The following PIWIL2 variants were observed in gnomAD, a reference collection of about 807,000 sequenced individuals.
The protein encoded by PIWIL2 is piwi like RNA-mediated gene silencing 2, also known as piwi-like protein 2.
PIWIL2 carries 81 observed loss-of-function variants against 116.5 expected under a neutral mutation model. That is an observed-to-expected ratio of 0.70 (90% CI 0.58 to 0.84). The LOEUF (loss-of-function observed/expected upper bound fraction) is 0.84, where lower values mean the gene tolerates loss of function less well. PIWIL2 is among the 40% of genes least tolerant of loss of function. The pLI is 0.00. For missense variants in PIWIL2, 1,272 were observed against 1,212.3 expected, an observed-to-expected ratio of 1.05 and a Z score of -0.73; for synonymous variants, 489 against 429.5, an observed-to-expected ratio of 1.14 and a Z score of -1.71.
rs978885213 is a variant in PIWIL2 at position 22,277,710 on chromosome 8, T to A, written c.-46-1631T>A. On this transcript the variant is annotated intron_variant, in intron 1 of 22. Coordinates refer to ENST00000356766, the MANE Select transcript of PIWIL2 (RefSeq NM_018068.5). Reference sequence around the variant, plus strand: ...AAGAATTTTGTAAAAAAGAATTGGATAGAGATTCGGAGAAGCAGCTAAACA... The same window carrying A: ...AAGAATTTTGTAAAAAAGAATTGGAAAGAGATTCGGAGAAGCAGCTAAACA... Among the ~76,000 whole-genome samples, 3 of 152,022 alleles carry A rather than the reference T, an allele frequency of 2.0e-5. No individual in the cohort carries two copies. The East Asian group carries it at 5.8e-4, about 29-fold the overall frequency.
chr8:22,350,440 A>G (rs560930533), intron 20 of PIWIL2, among the ~76,000 whole-genome samples: 1 of 152,042 alleles, frequency 6.6e-6, no homozygotes, highest in East Asian at 1.9e-4. Flanking sequence ...TACAAAAAAT[A>G]CAAAAGTTAG....
chr8:22,289,392 C>T (rs1192152421), intron 8 of PIWIL2, among the ~76,000 whole-genome samples: 2 of 152,122 alleles, frequency 1.3e-5, no homozygotes, highest in Non-Finnish European at 2.9e-5. Context: ...ACCTCGTGAT[C>T]TGTCCACCTC....
intron 13 of PIWIL2, among the ~76,000 whole-genome samples, chr8:22,306,305 C>A (rs914832132): frequency 2.6e-5 from 4 of 152,222 alleles, no homozygotes; most frequent in Non-Finnish European, 5.9e-5. Flanking sequence ...TCTTCATCCT[C>A]ACCAGTCAGG....
At chr8:22,276,774 G>C (rs965403218) in intron 1 of PIWIL2, among the ~76,000 whole-genome samples, 1 of 151,950 alleles carries the variant, frequency 6.6e-6, no homozygotes, top group African/African-American at 2.4e-5. Context: ...ATGGTGGCAG[G>C]TGCCTGAAGT....
At chr8:22,351,212 G>C (rs563091608) in intron 20 of PIWIL2, among the ~76,000 whole-genome samples, 1 of 151,312 alleles carries the variant, frequency 6.6e-6, no homozygotes, top group South Asian at 2.1e-4. Context: ...CCAGCTACTT[G>C]ACAGGCTGAG....
At chr8:22,334,414 C>T (rs1055012939) in intron 20 of PIWIL2, among the ~76,000 whole-genome samples, 13 of 150,416 alleles carry the variant, frequency 8.6e-5, no homozygotes, top group Non-Finnish European at 1.0e-4. Flanking sequence ...CCCAGCTACT[C>T]GGGAGACTGA....
intron 10 of PIWIL2, among the ~76,000 whole-genome samples, chr8:22,300,525 T>C (rs1173202354): frequency 4.6e-5 from 7 of 152,236 alleles, no homozygotes; most frequent in Admixed American, 4.6e-4. Context: ...AGTAGATACC[T>C]GGGAGCGGAA....
chr8:22,333,714 C>T (rs1324081858), intron 20 of PIWIL2, among the ~76,000 whole-genome samples: 2 of 151,644 alleles, frequency 1.3e-5, no homozygotes, highest in East Asian at 1.9e-4. Flanking sequence ...GGGCTGGGGT[C>T]GAGGAGGGAA....
At chr8:22,311,466 G>A (rs1008745664) in intron 16 of PIWIL2, among the ~76,000 whole-genome samples, 166 bp downstream of exon 16, 1 of 152,136 alleles carries the variant, frequency 6.6e-6, no homozygotes, top group Admixed American at 6.6e-5. Context: ...ATGCCCTTTG[G>A]TTAATTTTGC....
intron 5 of PIWIL2, among the ~76,000 whole-genome samples, chr8:22,283,602 G>A (rs1193300712): frequency 6.6e-6 from 1 of 152,008 alleles, no homozygotes; most frequent in African/African-American, 2.4e-5. Flanking sequence ...GTAGAGATGG[G>A]GTCTCACCAC....
chr8:22,333,164 A>G (rs1373283869), intron 20 of PIWIL2, among the ~76,000 whole-genome samples: 1 of 152,102 alleles, frequency 6.6e-6, no homozygotes, highest in Non-Finnish European at 1.5e-5. Flanking sequence ...AGGAAGAATA[A>G]AAGAGTGTAT....
intron 16 of PIWIL2, 92 bp downstream of exon 16, chr8:22,311,392 T>C: frequency 9.9e-7 from 1 of 1,007,792 alleles, no homozygotes; most frequent in Non-Finnish European, 1.5e-6. Flanking sequence ...AGTCTGCTGT[T>C]GATGATGCCC....
At chr8:22,336,352 A>G (rs1831981505) in intron 20 of PIWIL2, among the ~76,000 whole-genome samples, 1 of 152,222 alleles carries the variant, frequency 6.6e-6, no homozygotes, top group South Asian at 2.1e-4. Flanking sequence ...ATACATGGAA[A>G]TTAAACAAGA....
chr8:22,285,142 A>G (rs1474319831), intron 6 of PIWIL2, among the ~76,000 whole-genome samples: 2 of 152,186 alleles, frequency 1.3e-5, no homozygotes, highest in African/African-American at 4.8e-5. Flanking sequence ...GTTGTTAACT[A>G]TGGTTACCAT....
chr8:22,345,953 A>G (rs1293551953), intron 20 of PIWIL2, among the ~76,000 whole-genome samples: 2 of 152,336 alleles, frequency 1.3e-5, no homozygotes, highest in South Asian at 2.1e-4. Flanking sequence ...CTGACTGCCA[A>G]TGGGTATGGG....
intron 18 of PIWIL2, 141 bp from the exon 19 acceptor site, chr8:22,316,104 C>CTTTTTTTTTTTTTTT: frequency 1.8e-6 from 1 of 541,608 alleles, no homozygotes. Flanking sequence ...AGTTGATTGT[C>CTTTTTTTTTTTTTTT]TTTTTTTTTT....
At chr8:22,324,027 T>C (rs1285468882) in intron 20 of PIWIL2, among the ~76,000 whole-genome samples, 1 of 152,148 alleles carries the variant, frequency 6.6e-6, no homozygotes, top group Non-Finnish European at 1.5e-5. Flanking sequence ...TTTGGGAGTC[T>C]GAGGTGGGTG....
intron 1 of PIWIL2, among the ~76,000 whole-genome samples, chr8:22,279,015 TGTA>T (rs2131975343): frequency 6.6e-6 from 1 of 152,278 alleles, no homozygotes; most frequent in African/African-American, 2.4e-5. Flanking sequence ...TCTATTATAA[TGTA>T]ATAATAGAAA....
intron 11 of PIWIL2, 99 bp downstream of exon 11, chr8:22,304,308 A>T: frequency 1.4e-6 from 1 of 726,236 alleles, no homozygotes; most frequent in Non-Finnish European, 2.3e-6. Context: ...ACCACTTGAC[A>T]CTTTTCAAAA....
Sources: allele counts gnomAD v4.1 joint callset (sites outside exome capture counted in the v4.1 genomes callset), GRCh38; gene constraint gnomAD v4.1.1; transcripts MANE v1.5; gene names NCBI Gene and HGNC (gene_info 2026-07-23, HGNC 2026-07-21).